Variants in DLGAP1 observed in about 807,000 individuals in gnomAD.
DLGAP1 encodes disks large-associated protein 1.
Under a neutral mutation model 90.8 loss-of-function variants are expected in DLGAP1, and 11 were observed. The ratio of observed to expected loss-of-function variants is 0.12; its 90% CI spans 0.08 to 0.20. The LOEUF is 0.20. Ranked by LOEUF, DLGAP1 falls within the 10% of genes least tolerant of loss-of-function variation. The probability of loss-of-function intolerance (pLI) is 1.00; values close to 1 mark genes in which losing one functional copy is unlikely to be tolerated. For synonymous variants in DLGAP1, 558 were observed against 540.7 expected (o/e 1.03, Z -0.44); for missense variants, 1,050 against 1,333.8 (o/e 0.79, Z 3.31).
At position 3,551,681 on chromosome 18, in the gene DLGAP1, CCCCTCCCT is replaced by C. The variant is rs1294062016; in HGVS notation, c.2057+15801_2057+15808del. On this transcript the variant is annotated intron_variant, in intron 9 of 12. Coordinates refer to ENST00000315677, the MANE Select transcript of DLGAP1 (RefSeq NM_004746.4). ...GTCTCTTTCCTTCTTTCTTTTCCCT[CCCCTCCCT>C]CCCTCCCTCCCTCCCTCCCTCCCTC... 2.6e-3 allele frequency among the ~76,000 whole-genome samples: 14 copies of C among 5,370 alleles called. 3 individuals carry two copies. The highest frequency in any genetic ancestry group is 0.015 in the South Asian group (1 of 68). The allele number at this position is 5,370 out of a possible 152,430, so 3.5% of individuals were successfully genotyped here. A position where few individuals can be genotyped will look rare whatever the true frequency, so the allele number is the denominator to read the frequency against.
At chr18:4,400,354 A>G (rs964370169) in intron 1 of DLGAP1, among the ~76,000 whole-genome samples, 1 of 152,236 alleles carries the variant, frequency 6.6e-6, no homozygotes, top group Non-Finnish European at 1.5e-5. Flanking sequence ...TATGTCTCAT[A>G]AAGGACAATT....
intron 2 of DLGAP1, among the ~76,000 whole-genome samples, chr18:4,106,031 C>CAAAAAAAAA (rs60176243): frequency 5.9e-5 from 6 of 102,272 alleles, no homozygotes; most frequent in Admixed American, 2.5e-4. Flanking sequence ...GGGTCCGTCT[C>CAAAAAAAAA]AAAAAAAAAA....
Position 4,203,820 on chromosome 18 carries a change from A to G in DLGAP1, c.-266-52533T>C, listed in dbSNP as rs149801540. 1.1e-3 allele frequency among the ~76,000 whole-genome samples: 168 copies of G among 152,348 alleles called. 2 individuals are homozygous for G. The highest frequency in any genetic ancestry group is 3.5e-3 in the African/African-American group (145 of 41,586). ...ACATCTAATTACAGCACAACTCAGT[A>G]AGTTCAGTAATAAATGTATATGAAC... is the stretch of plus-strand genomic sequence containing the variant. On this transcript the variant is annotated intron_variant, in intron 1 of 12. Coordinates refer to ENST00000315677, the MANE Select transcript of DLGAP1 (RefSeq NM_004746.4).
intron 1 of DLGAP1, among the ~76,000 whole-genome samples, chr18:4,396,774 G>A (rs1220217618): frequency 6.6e-6 from 1 of 152,226 alleles, no homozygotes; most frequent in African/African-American, 2.4e-5. Context: ...CAGACAGATG[G>A]AGAGGGTGAG....
intron 1 of DLGAP1, among the ~76,000 whole-genome samples, chr18:4,185,161 T>C (rs988923914): frequency 1.3e-5 from 2 of 152,122 alleles, no homozygotes; most frequent in East Asian, 3.8e-4. Flanking sequence ...GCTCCTTTTT[T>C]CTAATATTTT....
intron 9 of DLGAP1, among the ~76,000 whole-genome samples, chr18:3,546,856 TATAAG>T (rs1393981538): frequency 6.6e-6 from 1 of 151,518 alleles, no homozygotes; most frequent in Non-Finnish European, 1.5e-5. Flanking sequence ...TAAAGGAAAT[TATAAG>T]ATAAAAGCAG....
chr18:3,656,299 T>G (rs1327276542), intron 7 of DLGAP1: 1 of 500,428 alleles, frequency 2.0e-6, no homozygotes, highest in Non-Finnish European at 3.5e-6. Context: ...CTCATGGATG[T>G]CTTCTTTTCC....
chr18:4,028,264 T>C (rs79002633), intron 2 of DLGAP1, among the ~76,000 whole-genome samples: 3,003 of 152,316 alleles, frequency 0.02, 103 homozygotes, highest in African/African-American at 0.069. Flanking sequence ...ATTCATTACT[T>C]TTATTTGTAA....
chr18:3,650,550 TG>T (rs1164084659), intron 7 of DLGAP1, among the ~76,000 whole-genome samples: 2 of 152,178 alleles, frequency 1.3e-5, no homozygotes, highest in African/African-American at 4.8e-5. Context: ...TTGTTTAGTG[TG>T]GTGCTCCAGC....
At chr18:3,916,282 T>C (rs2072142141) in intron 3 of DLGAP1, among the ~76,000 whole-genome samples, 1 of 152,168 alleles carries the variant, frequency 6.6e-6, no homozygotes, top group South Asian at 2.1e-4. Context: ...GAGCAGCATA[T>C]GGACGGCTTG....
At chr18:3,802,279 G>A (rs1440035692) in intron 5 of DLGAP1, among the ~76,000 whole-genome samples, 5 of 152,170 alleles carry the variant, frequency 3.3e-5, no homozygotes, top group African/African-American at 9.7e-5. Context: ...CACCGACCCC[G>A]CCACGCAGGC....
chr18:3,759,615 G>A (rs2063867400), intron 5 of DLGAP1, among the ~76,000 whole-genome samples: 1 of 152,208 alleles, frequency 6.6e-6, no homozygotes, highest in Non-Finnish European at 1.5e-5. Flanking sequence ...GACTATGCAT[G>A]ACGCTTATGC....
intron 4 of DLGAP1, among the ~76,000 whole-genome samples, chr18:3,857,580 T>G (rs939393429): frequency 9.2e-5 from 14 of 152,210 alleles, no homozygotes; most frequent in African/African-American, 3.1e-4. Context: ...TCCTTGGTAG[T>G]TGACTTTGTT....
intron 7 of DLGAP1, among the ~76,000 whole-genome samples, chr18:3,677,587 C>T (rs1328764853): frequency 1.3e-5 from 2 of 152,234 alleles, no homozygotes; most frequent in Non-Finnish European, 2.9e-5. Context: ...ATCCATGTTT[C>T]TAGCGTGCCT....
chr18:3,724,961 T>G (rs909741253), intron 7 of DLGAP1, among the ~76,000 whole-genome samples: 4 of 151,348 alleles, frequency 2.6e-5, no homozygotes, highest in African/African-American at 9.7e-5. Context: ...TATATCATGA[T>G]AGCTTGCCTA....
chr18:4,173,018 T>C (rs1358868848), intron 1 of DLGAP1, among the ~76,000 whole-genome samples: 1 of 152,240 alleles, frequency 6.6e-6, no homozygotes, highest in African/African-American at 2.4e-5. Context: ...TTTGCTATGA[T>C]AGAAGGTTTT....
chr18:3,872,166 T>C (rs977298625), intron 4 of DLGAP1, among the ~76,000 whole-genome samples: 1 of 148,928 alleles, frequency 6.7e-6, no homozygotes, highest in African/African-American at 2.5e-5. Context: ...TATTCCTACA[T>C]TTAAAAGATC....
chr18:3,651,215 T>C (rs1264385489), intron 7 of DLGAP1, among the ~76,000 whole-genome samples: 1 of 151,678 alleles, frequency 6.6e-6, no homozygotes, highest in African/African-American at 2.4e-5. Flanking sequence ...AAAAATTAGC[T>C]GGGCATGGTG....
chr18:3,737,265 A>G (rs1404991397), intron 6 of DLGAP1, among the ~76,000 whole-genome samples: 4 of 152,244 alleles, frequency 2.6e-5, no homozygotes, highest in African/African-American at 9.6e-5. Flanking sequence ...TCCCTAACTC[A>G]TTTGATGAGG....
Sources: gnomAD v4.1 joint callset for allele counts (sites outside exome capture counted in the v4.1 genomes callset) on GRCh38, gnomAD v4.1.1 for gene constraint, MANE v1.5 for transcripts, NCBI Gene and HGNC (gene_info 2026-07-23, HGNC 2026-07-21) for gene names.